RADIL: variants seen among roughly 807,000 people sequenced by gnomAD.
RADIL encodes ras-associating and dilute domain-containing protein.
A neutral mutation model predicts 97.6 loss-of-function variants in RADIL; 99 were observed. The observed-to-expected ratio is 1.01, with a 90% confidence interval of 0.86 to 1.20. RADIL has a LOEUF of 1.20. RADIL is among the 50% of genes most tolerant of loss of function. The probability of loss-of-function intolerance (pLI) is 0.00; values close to 1 mark genes in which losing one functional copy is unlikely to be tolerated. For synonymous variants in RADIL, 803 were observed against 691.8 expected (o/e 1.16, Z -2.52); for missense variants, 1,765 against 1,498.9 (o/e 1.18, Z -2.93).
At chr7:4,847,235 C>T (rs1329322778) in intron 2 of RADIL, among the ~76,000 whole-genome samples, 2 of 152,098 alleles carry the variant, frequency 1.3e-5, no homozygotes, top group South Asian at 2.1e-4. Flanking sequence ...GCAGGAGAAT[C>T]GCTTGAACCC....
intron 10 of RADIL, among the ~76,000 whole-genome samples, chr7:4,804,833 T>G (rs550864669): frequency 6.7e-6 from 1 of 149,904 alleles, no homozygotes; most frequent in African/African-American, 2.5e-5. Context: ...CGGTGGCTCA[T>G]GTCTGTAATC....
intron 9 of RADIL, chr7:4,808,899 C>T (rs1782441483): frequency 1.1e-6 from 1 of 901,936 alleles, no homozygotes; most frequent in Non-Finnish European, 1.3e-6. Flanking sequence ...CCCCCCGTTC[C>T]GACGCCACTG....
At chr7:4,858,228 G>C (rs1463376271) in intron 2 of RADIL, 2 of 152,202 alleles carry the variant, frequency 1.3e-5, no homozygotes, top group African/African-American at 4.8e-5. Context: ...GACAGGAAAA[G>C]AGTTTAAGTA....
chr7:4,822,340 C>T lies in RADIL; in HGVS notation c.1615+54G>A, dbSNP rs1782856462. ...TTCCGAGGACGGCGAGGAGATGCCA[C>T]ACTCCCCTGCCTGGGGTGCTGGCGG... On this transcript the variant is annotated intron_variant, in intron 6 of 14. Transcript: ENST00000399583. The surrounding 1 kb of genome is among the most constrained non-coding windows in gnomAD (Gnocchi z 5.3). 7 of 1,549,950 alleles carry T rather than the reference C, an allele frequency of 4.5e-6. No homozygotes were observed. The South Asian group carries it at 6.0e-5, about 13-fold the overall frequency.
chr7:4,805,532 C>A, intron 10 of RADIL, 34 bp downstream of exon 10: 2 of 1,546,072 alleles, frequency 1.3e-6, no homozygotes, highest in African/African-American at 1.4e-5. Flanking sequence ...CCCACTGAGT[C>A]CCCAGCCCTC....
rs141842026 is a variant in RADIL, at chr7:4,810,828, G to A, written c.2139+4450C>T. Among the ~76,000 whole-genome samples, 13 of 152,282 alleles carry A rather than the reference G, an allele frequency of 8.5e-5. No homozygotes were observed. The East Asian group carries it at 2.5e-3, about 29-fold the overall frequency. On this transcript the variant is annotated intron_variant, in intron 9 of 14. Transcript: ENST00000399583. Reference sequence around the variant, plus strand: ...TTCTTCCTTTCAACCATTCTCATGTGTTCGGTGTTTAAAACGCTGAGATTA... The same window carrying A: ...TTCTTCCTTTCAACCATTCTCATGTATTCGGTGTTTAAAACGCTGAGATTA...
chr7:4,802,398 G>A (rs1297855191), intron 11 of RADIL, among the ~76,000 whole-genome samples: 67 of 134,556 alleles, frequency 5.0e-4, no homozygotes, highest in Admixed American at 1.4e-3. Context: ...CTCGGGGCAC[G>A]CTGGCTGGGC....
chr7:4,854,186 G>A lies in RADIL; in HGVS notation c.536-17581C>T, dbSNP rs985390455. Among the ~76,000 whole-genome samples the A allele has an allele frequency of 6.6e-6, 1 of 152,144 alleles. No homozygotes were observed. Among genetic ancestry groups the A allele is most frequent in the Non-Finnish European group, 1.5e-5 (1 of 68,024 alleles). On this transcript the variant is annotated intron_variant, in intron 2 of 14. Transcript: ENST00000399583. The surrounding 1 kb of genome is among the most constrained non-coding windows in gnomAD (Gnocchi z 5.1). ...AGGCATGAACTAGAATGATGGGGCCGAAAGTAGAAAAAGCCTGGTCCCTGG... is the reference window on the plus strand; with the variant it reads ...AGGCATGAACTAGAATGATGGGGCCAAAAGTAGAAAAAGCCTGGTCCCTGG...
At position 4,883,573 on chromosome 7, in the gene RADIL, C is replaced by G. The variant is rs902348281; in HGVS notation, c.-65+23G>C. 1 of 152,262 alleles carries G rather than the reference C, an allele frequency of 6.6e-6. No homozygotes were observed. The highest frequency in any genetic ancestry group is 1.5e-5 in the Non-Finnish European group (1 of 68,270). The allele number at this position is 152,262 out of a possible 1,614,324, so 9.4% of individuals were successfully genotyped here. A position where few individuals can be genotyped will look rare whatever the true frequency, so the allele number is the denominator to read the frequency against. Reference sequence around the variant, plus strand: ...CGAGCCACCCCCGGTTCCGCAGTCACTCCTCGCGCACCCCACACTCACCTC... The same window carrying G: ...CGAGCCACCCCCGGTTCCGCAGTCAGTCCTCGCGCACCCCACACTCACCTC... On this transcript the variant is annotated intron_variant, in intron 1 of 14. Coordinates refer to ENST00000399583, the MANE Select transcript of RADIL (RefSeq NM_018059.5). This position sits in a 1 kb window ranked among gnomAD's most constrained non-coding sequence, Gnocchi z 7.1.
chr7:4,869,589 A>T (rs1292697021), intron 2 of RADIL, among the ~76,000 whole-genome samples: 1 of 151,904 alleles, frequency 6.6e-6, no homozygotes, highest in Non-Finnish European at 1.5e-5. Context: ...CATAATTTAC[A>T]AAATTCTTTC....
At chr7:4,868,423 C>T (rs919386812) in intron 2 of RADIL, among the ~76,000 whole-genome samples, 5 of 152,182 alleles carry the variant, frequency 3.3e-5, no homozygotes, top group African/African-American at 1.2e-4. Context: ...GATTAGCTAT[C>T]AGCAACCCTC....
In RADIL at chr7:4,798,082, TTATA is replaced by T. The variant is rs1012966328; in HGVS notation, c.*1292_*1295del. The T allele has an allele frequency of 5.4e-5, 8 of 148,084 alleles. No homozygotes were observed. Among genetic ancestry groups the T allele is most frequent in the Admixed American group, 1.3e-4 (2 of 14,822 alleles). 9.2% of individuals were successfully genotyped at this position (148,084 alleles called of 1,614,324 possible). On this transcript the variant is annotated 3_prime_UTR_variant, in exon 15 of 15. Transcript: ENST00000399583. Reference sequence around the variant, plus strand: ...GAATATGTAATATATTCATATATAATTATATATTTATATATATTCATATATTTTA... The same window carrying T: ...GAATATGTAATATATTCATATATAATTATTTATATATATTCATATATTTTA...
chr7:4,873,696 C>A lies in RADIL; in HGVS notation c.535+3909G>T, dbSNP rs564144633. 2.0e-5 allele frequency among the ~76,000 whole-genome samples: 3 copies of A among 152,254 alleles called. No homozygotes were observed. Among genetic ancestry groups the A allele is most frequent in the African/African-American group, 7.2e-5 (3 of 41,472 alleles). On this transcript the variant is annotated intron_variant, in intron 2 of 14. Transcript: ENST00000399583. This position sits in a 1 kb window ranked among gnomAD's most constrained non-coding sequence, Gnocchi z 4.3. ...GCGACACGGTGACACATGCCCCACACTGAGGGCCACTCTCAGGACAAACAG... is the reference window on the plus strand; with the variant it reads ...GCGACACGGTGACACATGCCCCACAATGAGGGCCACTCTCAGGACAAACAG...
intron 11 of RADIL, among the ~76,000 whole-genome samples, chr7:4,802,252 C>A (rs1782113771): frequency 6.6e-6 from 1 of 152,210 alleles, no homozygotes; most frequent in African/African-American, 2.4e-5. Flanking sequence ...GCTTCCAACC[C>A]TTCTCCTGTC....
At chr7:4,810,632 G>A (rs565792014) in intron 9 of RADIL, among the ~76,000 whole-genome samples, 1 of 152,342 alleles carries the variant, frequency 6.6e-6, no homozygotes, top group Admixed American at 6.5e-5. Flanking sequence ...GCCGTGGCGA[G>A]GGACCCACGG....
intron 2 of RADIL, among the ~76,000 whole-genome samples, chr7:4,871,278 CA>C (rs1784247548): frequency 6.6e-6 from 1 of 152,216 alleles, no homozygotes; most frequent in Non-Finnish European, 1.5e-5. Context: ...GAGTTATTTT[CA>C]AGTCAGAGTC....
At chr7:4,863,622 G>A (rs1784070711) in intron 2 of RADIL, among the ~76,000 whole-genome samples, 1 of 152,212 alleles carries the variant, frequency 6.6e-6, no homozygotes, top group Non-Finnish European at 1.5e-5. Context: ...CATGTAAGAG[G>A]ACATGTGGTT....
In RADIL at chr7:4,877,788, G is replaced by C; in HGVS notation, c.352C>G (p.Gln118Glu). 6.2e-7 allele frequency: 1 copy of C among 1,611,860 alleles called. No homozygotes were observed. Among genetic ancestry groups the C allele is most frequent in the Non-Finnish European group, 8.5e-7 (1 of 1,179,960 alleles). The change falls in exon 2 of 15, where the codon CAA (glutamine) becomes GAA (glutamate). Residue 118 changes from glutamine (Q) to glutamate (E), a missense_variant. Physicochemically the swap from Gln to Glu is conservative, Grantham distance 29. Transcript: ENST00000399583. The stretch of plus-strand genomic sequence containing the variant: ...CACCGCTGCCCAGCATCGCCGGCTT[G>C]GCCCACCACGTCACACAGCACGTAC... Reference protein sequence around the residue: ...GQYVLCDVVGQAGDAGQRWQA... With the variant: ...GQYVLCDVVGEAGDAGQRWQA...
At chr7:4,870,887 C>T (rs950383296) in intron 2 of RADIL, among the ~76,000 whole-genome samples, 2 of 152,164 alleles carry the variant, frequency 1.3e-5, no homozygotes, top group Non-Finnish European at 2.9e-5. Context: ...GCTGCCCCTC[C>T]GGGACTCACT....
Sources: allele counts gnomAD v4.1 joint callset (sites outside exome capture counted in the v4.1 genomes callset), GRCh38; gene constraint gnomAD v4.1.1; non-coding constraint Gnocchi (gnomAD v3.1); transcripts MANE v1.5; gene names NCBI Gene and HGNC (gene_info 2026-07-23, HGNC 2026-07-21).